Variants in ALK observed in about 807,000 individuals in gnomAD.
ALK encodes the protein ALK receptor tyrosine kinase.
In ALK, 74 loss-of-function variants were observed where a neutral mutation model predicts 163.1. The observed-to-expected ratio is 0.45, with a 90% confidence interval of 0.38 to 0.55. ALK has a LOEUF of 0.55. ALK is among the 20% of genes least tolerant of loss of function. ALK has a pLI of 0.00. For synonymous variants in ALK, 960 were observed against 843.2 expected (o/e 1.14, Z -2.40); for missense variants, 2,063 against 2,105.3 (o/e 0.98, Z 0.39).
At chr2:29,379,638 T>G (rs1437549606) in intron 5 of ALK, among the ~76,000 whole-genome samples, 1 of 152,128 alleles carries the variant, frequency 6.6e-6, no homozygotes, top group African/African-American at 2.4e-5. Flanking sequence ...TATAGGCCCC[T>G]TTTTCTATTA....
chr2:29,877,084 C>G (rs767180803), intron 1 of ALK, among the ~76,000 whole-genome samples: 1 of 152,172 alleles, frequency 6.6e-6, no homozygotes, highest in Non-Finnish European at 1.5e-5. Flanking sequence ...AGAGGTTCAA[C>G]GAAGTAATTT....
intron 4 of ALK, among the ~76,000 whole-genome samples, chr2:29,388,888 G>A (rs555496908): frequency 4.2e-4 from 64 of 152,180 alleles, no homozygotes; most frequent in Non-Finnish European, 8.7e-4. Context: ...ACAACCCCAA[G>A]AAATTATGTT....
intron 3 of ALK, among the ~76,000 whole-genome samples, chr2:29,663,339 G>A (rs1677409124): frequency 1.3e-5 from 2 of 152,096 alleles, no homozygotes; most frequent in African/African-American, 4.8e-5. Flanking sequence ...AATCACTTCA[G>A]GTGAGTCAAA....
chr2:29,235,459 A>T (rs1164184577), intron 13 of ALK, among the ~76,000 whole-genome samples: 1 of 152,108 alleles, frequency 6.6e-6, no homozygotes, highest in African/African-American at 2.4e-5. Flanking sequence ...GATATTTCTT[A>T]GAGTGGATCT....
intron 1 of ALK, among the ~76,000 whole-genome samples, chr2:29,870,923 C>T (rs1002514646): frequency 3.9e-5 from 6 of 152,144 alleles, no homozygotes; most frequent in African/African-American, 7.2e-5. Flanking sequence ...AGAGCATTGC[C>T]CACAGGAACC....
intron 1 of ALK, among the ~76,000 whole-genome samples, chr2:29,755,830 A>G (rs1030059269): frequency 5.3e-5 from 8 of 152,276 alleles, no homozygotes; most frequent in Admixed American, 3.9e-4. Context: ...AAAGAGTCGC[A>G]GCACCTCAAG....
chr2:29,450,872 T>G (rs950142209), intron 4 of ALK, among the ~76,000 whole-genome samples: 1 of 152,134 alleles, frequency 6.6e-6, no homozygotes, highest in Non-Finnish European at 1.5e-5. Context: ...TGCATTCCTG[T>G]TAAAAAACAG....
chr2:29,453,502 C>T (rs1017328299), intron 4 of ALK, among the ~76,000 whole-genome samples: 13 of 152,108 alleles, frequency 8.5e-5, no homozygotes, highest in African/African-American at 2.9e-4. Context: ...TCCTAAAGTG[C>T]TGGAATTTTA....
chr2:29,480,790 T>TAAAAAAAAAAAAAAAA (rs11289018), intron 4 of ALK, among the ~76,000 whole-genome samples: 1 of 74,548 alleles, frequency 1.3e-5, no homozygotes, highest in Non-Finnish European at 2.5e-5. Context: ...ACAGACATCT[T>TAAAAAAAAAAAAAAAA]AAAAAAAAAA....
chr2:29,356,412 C>A (rs1021754608), intron 5 of ALK, among the ~76,000 whole-genome samples: 1 of 152,024 alleles, frequency 6.6e-6, no homozygotes, highest in African/African-American at 2.4e-5. Context: ...ACTCTTAACC[C>A]ACATTCTTAA....
chr2:29,353,892 A>G lies in ALK; in HGVS notation c.1283-25411T>C, dbSNP rs75946718. Reference sequence around the variant, plus strand: ...GACATCCCATAAGGAAAACCTTGGTACTTTGTTTTGCCTGATTAGGATGTT... The same window carrying G: ...GACATCCCATAAGGAAAACCTTGGTGCTTTGTTTTGCCTGATTAGGATGTT... On this transcript the variant is annotated intron_variant, in intron 5 of 28. Coordinates refer to ENST00000389048, the MANE Select transcript of ALK (RefSeq NM_004304.5). 2.3e-3 allele frequency among the ~76,000 whole-genome samples: 348 copies of G among 152,304 alleles called. 2 individuals carry two copies. Among genetic ancestry groups the G allele is most frequent in the African/African-American group, 7.9e-3 (327 of 41,578 alleles).
intron 5 of ALK, among the ~76,000 whole-genome samples, chr2:29,335,648 C>T (rs1667588541): frequency 6.6e-6 from 1 of 152,166 alleles, no homozygotes; most frequent in African/African-American, 2.4e-5. Flanking sequence ...AGGAGAGGCT[C>T]CCTGACTGCC....
chr2:29,836,047 CA>C (rs1321695169), intron 1 of ALK, among the ~76,000 whole-genome samples: 1 of 152,102 alleles, frequency 6.6e-6, no homozygotes, highest in Non-Finnish European at 1.5e-5. Context: ...TGCAGCATGA[CA>C]AATGAGGGGG....
At chr2:29,426,796 T>C (rs905383479) in intron 4 of ALK, among the ~76,000 whole-genome samples, 1 of 151,970 alleles carries the variant, frequency 6.6e-6, no homozygotes, top group Non-Finnish European at 1.5e-5. Context: ...TCCCAGCACT[T>C]TGGGAGGCCG....
In ALK at chr2:29,843,835, C is replaced by T. The variant is rs149594428; in HGVS notation, c.667+76158G>A. ...AATCAATGATCATACTCTCACCCTA[C>T]GCGAAGTTACTACTGAGCACTTACT... is the stretch of plus-strand genomic sequence containing the variant. On this transcript the variant is annotated intron_variant, in intron 1 of 28. Transcript: ENST00000389048. Among the ~76,000 whole-genome samples the T allele has an allele frequency of 6.4e-3, 979 of 152,288 alleles. 4 individuals are homozygous for T. The highest frequency in any genetic ancestry group is 1.0e-2 in the South Asian group (48 of 4,820).
chr2:29,577,878 G>T (rs1030916572), intron 3 of ALK, among the ~76,000 whole-genome samples: 1 of 152,224 alleles, frequency 6.6e-6, no homozygotes, highest in African/African-American at 2.4e-5. Flanking sequence ...GCAGGATATG[G>T]TCTTCAATCC....
chr2:29,885,367 C>T (rs1666961702), intron 1 of ALK, among the ~76,000 whole-genome samples: 1 of 152,102 alleles, frequency 6.6e-6, no homozygotes, highest in African/African-American at 2.4e-5. Flanking sequence ...GAAGAGAACC[C>T]CAACAAACAG....
chr2:29,529,883 G>A (rs1388830095), intron 4 of ALK, among the ~76,000 whole-genome samples: 1 of 152,148 alleles, frequency 6.6e-6, no homozygotes, highest in Non-Finnish European at 1.5e-5. Flanking sequence ...CCAGAGGACA[G>A]AGCAGCTCCT....
intron 11 of ALK, among the ~76,000 whole-genome samples, chr2:29,271,213 C>T (rs1665375730): frequency 6.6e-6 from 1 of 152,158 alleles, no homozygotes; most frequent in Non-Finnish European, 1.5e-5. Flanking sequence ...TCCAAGGATG[C>T]CGTCATCCCC....
Sources: allele counts gnomAD v4.1 joint callset (sites outside exome capture counted in the v4.1 genomes callset), GRCh38; gene constraint gnomAD v4.1.1; transcripts MANE v1.5; gene names NCBI Gene and HGNC (gene_info 2026-07-23, HGNC 2026-07-21).